VWA5A: variants seen among roughly 807,000 people sequenced by gnomAD.
The protein encoded by VWA5A is von Willebrand factor A domain-containing protein 5A.
VWA5A carries 77 observed loss-of-function variants against 84.6 expected under a neutral mutation model. That is an observed-to-expected ratio of 0.91 (90% CI 0.76 to 1.10). The LOEUF is 1.10. Among genes scored for constraint, VWA5A ranks in the 50% least tolerant of loss-of-function variants. The probability of loss-of-function intolerance (pLI) is 0.00; values close to 1 mark genes in which losing one functional copy is unlikely to be tolerated. For missense variants in VWA5A, 973 were observed against 963.0 expected (o/e 1.01, Z -0.14); for synonymous variants, 334 against 350.1 (o/e 0.95, Z 0.51).
intron 2 of VWA5A, 143 bp from the exon 3 acceptor site, chr11:124,117,354 C>CTT: frequency 2.5e-6 from 2 of 804,496 alleles, no homozygotes; most frequent in South Asian, 1.6e-5. Context: ...TCTTTGTCTC[C>CTT]TTTTTTTTAA....
At chr11:124,124,657 C>A in intron 11 of VWA5A, 1 of 746,606 alleles carries the variant, frequency 1.3e-6, no homozygotes, top group Non-Finnish European at 1.7e-6. Flanking sequence ...CTCATTATCA[C>A]AGTGAATGCA....
intron 7 of VWA5A, among the ~76,000 whole-genome samples, chr11:124,120,639 G>A (rs948088719): frequency 5.9e-5 from 9 of 152,124 alleles, no homozygotes; most frequent in Non-Finnish European, 1.3e-4. Context: ...TCATTCAAGG[G>A]GCTCCCAGCT....
chr11:124,146,238 C>A lies in VWA5A; in HGVS notation c.*293C>A. On this transcript the variant is annotated 3_prime_UTR_variant, in exon 19 of 19. Transcript: ENST00000456829. ...GTTCCTCCCAGGGTTTCCAGGGAAACAACATGAAAAACAGGTGACATGAAC... is the reference window on the plus strand; with the variant it reads ...GTTCCTCCCAGGGTTTCCAGGGAAAAAACATGAAAAACAGGTGACATGAAC... The A allele has an allele frequency of 7.3e-6, 2 of 273,350 alleles. No individual in the cohort carries two copies. Among genetic ancestry groups the A allele is most frequent in the Non-Finnish European group, 1.4e-5 (2 of 144,578 alleles). 16.9% of individuals were successfully genotyped at this position (273,350 alleles called of 1,614,324 possible).
chr11:124,145,837 TCCC>T (rs1565293024), intron 18 of VWA5A, 26 bp from the exon 19 acceptor site: 1 of 1,560,572 alleles, frequency 6.4e-7, no homozygotes, highest in Admixed American at 1.9e-5. Flanking sequence ...CAATCCTTCA[TCCC>T]TGCTTCTTGT....
At chr11:124,140,437 C>T (rs557999852) in intron 15 of VWA5A, among the ~76,000 whole-genome samples, 2 of 151,880 alleles carry the variant, frequency 1.3e-5, no homozygotes, top group Non-Finnish European at 2.9e-5. Flanking sequence ...CTGAAAAAAT[C>T]AGATATTATA....
intron 1 of VWA5A, chr11:124,116,235 T>G (rs1291468929): frequency 6.6e-6 from 1 of 152,326 alleles, no homozygotes; most frequent in Non-Finnish European, 1.5e-5. Flanking sequence ...AGTCTCTACC[T>G]AAGCCTTGCA....
At chr11:124,124,702 G>GCCTACGACCATTCCAGTT in intron 11 of VWA5A, 1 of 336,514 alleles carries the variant, frequency 3.0e-6, no homozygotes, top group Non-Finnish European at 4.3e-6. Flanking sequence ...AACTGGAATG[G>GCCTACGACCATTCCAGTT]TCGTAGGCCT....
chr11:124,123,406 G>T lies in VWA5A; in HGVS notation c.971G>T (p.Cys324Phe), dbSNP rs1230755076. 1 of 1,613,948 alleles carries T rather than the reference G, an allele frequency of 6.2e-7. No individual in the cohort carries two copies. Among genetic ancestry groups the T allele is most frequent in the Non-Finnish European group, 8.5e-7 (1 of 1,180,020 alleles). ...ILLLKSLPIGCYFNIYGFGSS... is the reference protein window; with the variant it reads ...ILLLKSLPIGFYFNIYGFGSS... ...CTGCTGAAGAGTTTACCTATAGGCT[G>T]TTATTTCAACATCTATGGATTTGGC... is the stretch of plus-strand genomic sequence containing the variant. The change falls in exon 9 of 19, where the codon TGT becomes TTT. Residue 324 changes from cysteine (C) to phenylalanine (F), a missense_variant. Coordinates refer to ENST00000456829, the MANE Select transcript of VWA5A (RefSeq NM_001130142.2).
rs987149372 is a variant in VWA5A at position 124,130,315 on chromosome 11, T to A, written c.1245-4605T>A. ...GAATGACTTTCTTAATCCTGAGTTC[T>A]AATTTGATTGCACCGTGGTCTGAGA... On this transcript the variant is annotated intron_variant, in intron 11 of 18. Transcript: ENST00000456829. Among the ~76,000 whole-genome samples the A allele has an allele frequency of 2.0e-5, 3 of 152,260 alleles. No homozygotes were observed. In the South Asian group the frequency reaches 6.2e-4, roughly 31 times the overall value.
chr11:124,141,881 T>C, intron 16 of VWA5A, 140 bp downstream of exon 16: 1 of 1,244,514 alleles, frequency 8.0e-7, no homozygotes, highest in Non-Finnish European at 1.1e-6. Flanking sequence ...TTGGAAAAGA[T>C]TCATTCCTCC....
Position 124,146,045 on chromosome 11 carries a change from T to C in VWA5A, c.*100T>C. ...TGTGTTCTTGTGTATTATAACTCTT[T>C]ATTTTTTGCCATAAAAGTAAAGGAT... On this transcript the variant is annotated 3_prime_UTR_variant, in exon 19 of 19. Coordinates refer to ENST00000456829, the MANE Select transcript of VWA5A (RefSeq NM_001130142.2). 1.8e-5 allele frequency: 23 copies of C among 1,265,144 alleles called. 1 individual carries two copies. The South Asian group carries it at 3.2e-4, about 18-fold the overall frequency. The allele number at this position is 1,265,144 out of a possible 1,614,324, so 78.4% of individuals were successfully genotyped here.
In VWA5A at chr11:124,127,262, C is replaced by T. The variant is rs146045109; in HGVS notation, c.1244+2946C>T. On this transcript the variant is annotated intron_variant, in intron 11 of 18. Coordinates refer to ENST00000456829, the MANE Select transcript of VWA5A (RefSeq NM_001130142.2). The stretch of plus-strand genomic sequence containing the variant: ...ACTCCCACATATAAGTGAGAACATG[C>T]AGTGTTTGGTTTTCTGTTCCTGTGT... Among the ~76,000 whole-genome samples the T allele has an allele frequency of 6.6e-3, 1,008 of 151,904 alleles. 6 individuals are homozygous for T. The highest frequency in any genetic ancestry group is 0.022 in the African/African-American group (922 of 41,408).
chr11:124,117,641 C>T (rs1466471809), intron 3 of VWA5A, 32 bp from the exon 4 acceptor site: 2 of 1,614,164 alleles, frequency 1.2e-6, no homozygotes, highest in Admixed American at 1.7e-5. Flanking sequence ...TCTATTGAAG[C>T]TTGATGAACT....
chr11:124,118,720 G>A lies in VWA5A; in HGVS notation c.645+12G>A, dbSNP rs776899930. On this transcript the variant is annotated intron_variant, in intron 6 of 18. Coordinates refer to ENST00000456829, the MANE Select transcript of VWA5A (RefSeq NM_001130142.2). ...AGACTTCTGCTCAGGTAGTTAATGA[G>A]AGAATACTGCTATTGTCAGTACCTC... is the stretch of plus-strand genomic sequence containing the variant. 39 of 1,609,968 alleles carry A rather than the reference G, an allele frequency of 2.4e-5. No individual in the cohort carries two copies. The Admixed American group carries it at 6.4e-4, about 26-fold the overall frequency.
At chr11:124,128,923 C>T (rs1475780925) in intron 11 of VWA5A, among the ~76,000 whole-genome samples, 1 of 152,218 alleles carries the variant, frequency 6.6e-6, no homozygotes, top group East Asian at 1.9e-4. Flanking sequence ...ATGTCATCTG[C>T]AAACAGAGAG....
intron 11 of VWA5A, among the ~76,000 whole-genome samples, chr11:124,127,195 A>G (rs1254782120): frequency 1.3e-5 from 2 of 148,874 alleles, no homozygotes; most frequent in East Asian, 4.0e-4. Context: ...GGCCCCAGTG[A>G]GTGATGTTCC....
chr11:124,145,336 G>A lies in VWA5A; in HGVS notation c.2254G>A (p.Ala752Thr). The A allele has an allele frequency of 1.2e-6, 2 of 1,613,774 alleles. No individual in the cohort carries two copies. The highest frequency in any genetic ancestry group is 1.7e-6 in the Non-Finnish European group (2 of 1,179,838). The change falls in exon 18 of 19, where the codon GCC becomes ACC. Residue 752 changes from alanine to threonine, a missense_variant. Transcript: ENST00000456829. ...KCEWELLERK[A>T]VAWMRAHAGS... ...TGAATGGGAGCTTCTGGAAAGGAAGGCCGTGGCCTGGATGCGTGCCCATGC... is the reference window on the plus strand; with the variant it reads ...TGAATGGGAGCTTCTGGAAAGGAAGACCGTGGCCTGGATGCGTGCCCATGC...
chr11:124,132,071 A>T (rs1444363279), intron 11 of VWA5A, among the ~76,000 whole-genome samples: 1 of 151,940 alleles, frequency 6.6e-6, no homozygotes, highest in African/African-American at 2.4e-5. Context: ...GTTAAATTTC[A>T]TCAAATGTAT....
In VWA5A at chr11:124,121,906, T is replaced by C. The variant is rs961283919; in HGVS notation, c.761-1054T>C. 2.0e-5 allele frequency among the ~76,000 whole-genome samples: 3 copies of C among 152,348 alleles called. No individual in the cohort carries two copies. In the South Asian group the frequency reaches 6.2e-4, roughly 32 times the overall value. On this transcript the variant is annotated intron_variant, in intron 7 of 18. Transcript: ENST00000456829. ...AGCTGTCTCTGAGAATGGAAAGGAA[T>C]CTTGCTCATCACAAAAGCTCCTCCT...
Sources: allele counts gnomAD v4.1 joint callset (sites outside exome capture counted in the v4.1 genomes callset), GRCh38; gene constraint gnomAD v4.1.1; transcripts MANE v1.5; gene names NCBI Gene and HGNC (gene_info 2026-07-23, HGNC 2026-07-21).